C11orf65: variants seen among roughly 807,000 people sequenced by gnomAD.
The protein encoded by C11orf65 is protein MFI.
C11orf65 carries 38 observed loss-of-function variants against 35.3 expected under a neutral mutation model. The ratio of observed to expected loss-of-function variants is 1.08; its 90% CI spans 0.83 to 1.41. C11orf65 has a LOEUF of 1.41. C11orf65 is among the 40% of genes most tolerant of loss of function. C11orf65 has a pLI of 0.00. For missense variants in C11orf65, 370 were observed against 367.1 expected (o/e 1.01, Z -0.06); for synonymous variants, 105 against 114.4 (o/e 0.92, Z 0.53).
intron 7 of C11orf65, among the ~76,000 whole-genome samples, chr11:108,391,258 CA>C (rs2092153156): frequency 6.6e-6 from 1 of 152,202 alleles, no homozygotes; most frequent in Admixed American, 6.5e-5. Context: ...AAATATTGAA[CA>C]TTTTAAGCAG....
intron 6 of C11orf65, among the ~76,000 whole-genome samples, chr11:108,313,507 T>A (rs565981212): frequency 1.3e-5 from 2 of 152,344 alleles, no homozygotes; most frequent in East Asian, 3.9e-4. Context: ...TCATTCTTCC[T>A]TTTCCTTAAT....
chr11:108,319,850 A>C, intron 6 of C11orf65: 1 of 778,618 alleles, frequency 1.3e-6, no homozygotes, highest in South Asian at 1.6e-5. Context: ...TTTAGAATGG[A>C]GAAATGTTAA....
chr11:108,332,329 G>A (rs1162267695), intron 3 of C11orf65, among the ~76,000 whole-genome samples: 1 of 152,114 alleles, frequency 6.6e-6, no homozygotes, highest in African/African-American at 2.4e-5. Flanking sequence ...CTACTCGGGA[G>A]GCTGAGGCAG....
Position 108,428,732 on chromosome 11 carries a change from A to G in C11orf65, c.174+3014T>C, listed in dbSNP as rs186733488. On this transcript the variant is annotated intron_variant, in intron 3 of 8. Coordinates refer to ENST00000393084, the MANE Select transcript of C11orf65 (RefSeq NM_152587.5). ...ATGTAGATGACAGGTTGATGGGTGCAGCAAATCACCATGGTACATGTATAC... is the reference window on the plus strand; with the variant it reads ...ATGTAGATGACAGGTTGATGGGTGCGGCAAATCACCATGGTACATGTATAC... 2.6e-5 allele frequency among the ~76,000 whole-genome samples: 4 copies of G among 152,218 alleles called. No individual in the cohort carries two copies. In the South Asian group the frequency reaches 6.2e-4, roughly 24 times the overall value.
intron 2 of C11orf65, among the ~76,000 whole-genome samples, chr11:108,339,761 T>TA (rs1334702556): frequency 1.3e-5 from 2 of 152,132 alleles, no homozygotes; most frequent in Non-Finnish European, 2.9e-5. Context: ...CAGAGCTAGA[T>TA]ATTGATAGAG....
intron 6 of C11orf65, among the ~76,000 whole-genome samples, chr11:108,324,081 T>G (rs1318222174): frequency 6.6e-6 from 1 of 152,074 alleles, no homozygotes; most frequent in Non-Finnish European, 1.5e-5. Flanking sequence ...AAGAATAGGG[T>G]ATAACACTTA....
intron 2 of C11orf65, among the ~76,000 whole-genome samples, chr11:108,377,160 G>T (rs1452146420): frequency 2.0e-5 from 3 of 150,994 alleles, no homozygotes; most frequent in Non-Finnish European, 3.0e-5. Context: ...TACCAAAGCC[G>T]AGCAGAGACA....
At chr11:108,349,016 T>C (rs1475288300) in intron 2 of C11orf65, among the ~76,000 whole-genome samples, 1 of 152,140 alleles carries the variant, frequency 6.6e-6, no homozygotes, top group African/African-American at 2.4e-5. Flanking sequence ...TAGATTTCAG[T>C]TGAAGTCACT....
intron 2 of C11orf65, among the ~76,000 whole-genome samples, chr11:108,446,418 A>T (rs1343547484): frequency 6.6e-6 from 1 of 151,718 alleles, no homozygotes; most frequent in Non-Finnish European, 1.5e-5. Context: ...AGCCCATCAG[A>T]CTAACAGCGG....
At chr11:108,461,937 G>A (rs182611194) in intron 1 of C11orf65, among the ~76,000 whole-genome samples, 2 of 148,416 alleles carry the variant, frequency 1.3e-5, no homozygotes, top group Non-Finnish European at 2.9e-5. Context: ...TATTTTATAT[G>A]CTCTATTATA....
chr11:108,443,615 C>A (rs967296279), intron 2 of C11orf65, among the ~76,000 whole-genome samples: 1 of 152,104 alleles, frequency 6.6e-6, no homozygotes, highest in Non-Finnish European at 1.5e-5. Context: ...TTATAACAAA[C>A]TGTCTCTCAG....
At chr11:108,422,925 A>G (rs2092841234) in intron 3 of C11orf65, among the ~76,000 whole-genome samples, 1 of 152,008 alleles carries the variant, frequency 6.6e-6, no homozygotes, top group African/African-American at 2.4e-5. Context: ...CCATACACAG[A>G]GGTCAGTCCC....
chr11:108,346,569 T>C (rs538945854), intron 2 of C11orf65: 2 of 152,488 alleles, frequency 1.3e-5, no homozygotes, highest in South Asian at 4.1e-4. Context: ...AGGCAGGGCA[T>C]GTATGTTTTG....
At chr11:108,415,022 G>A (rs2138796880) in intron 3 of C11orf65, among the ~76,000 whole-genome samples, 1 of 152,184 alleles carries the variant, frequency 6.6e-6, no homozygotes, top group South Asian at 2.1e-4. Context: ...GACTAGAGGG[G>A]AACTTCCTCT....
chr11:108,442,908 A>T (rs143328880), intron 2 of C11orf65, among the ~76,000 whole-genome samples: 1,645 of 152,288 alleles, frequency 0.011, 28 homozygotes, highest in African/African-American at 0.037. Flanking sequence ...AAACAACATC[A>T]ACTAACGAGA....
chr11:108,467,568 AGCCCCGCCTTCTAG>A (rs1360261651), upstream of C11orf65: 2 of 152,124 alleles, frequency 1.3e-5, no homozygotes, highest in African/African-American at 2.4e-5. Context: ...TTGCCCTCCT[AGCCCCGCCTTCTAG>A]GCCCCGCCTT....
intron 7 of C11orf65, among the ~76,000 whole-genome samples, chr11:108,386,897 C>T (rs973170722): frequency 8.6e-5 from 13 of 151,858 alleles, no homozygotes; most frequent in East Asian, 3.9e-4. Flanking sequence ...CTGGCTAACA[C>T]GGTGAAACCC....
intron 3 of C11orf65, chr11:108,331,714 C>T (rs1024215670): frequency 5.3e-6 from 7 of 1,317,530 alleles, no homozygotes; most frequent in Admixed American, 2.6e-5. Flanking sequence ...TTTTCTCTCT[C>T]TAATTCCTCA....
Position 108,406,795 on chromosome 11 carries a change from C to G in C11orf65, c.397G>C (p.Glu133Gln). ...EDHSGWYHRI[E>Q]NNGWRPVSDT... ...GAAACTGGCCTCCAGCCATTGTTTT[C>G]TATACGATGATACCAGCCACTATGA... The change falls in exon 5 of 9, where the codon GAA becomes CAA. Residue 133 changes from glutamate to glutamine, a missense_variant. Glu to Gln is a conservative substitution (Grantham distance 29). Transcript: ENST00000393084. 1 of 1,610,666 alleles carries G rather than the reference C, an allele frequency of 6.2e-7. No homozygotes were observed. The highest frequency in any genetic ancestry group is 8.5e-7 in the Non-Finnish European group (1 of 1,178,100).
Sources: gnomAD v4.1 joint callset for allele counts (sites outside exome capture counted in the v4.1 genomes callset) on GRCh38, gnomAD v4.1.1 for gene constraint, MANE v1.5 for transcripts, NCBI Gene and HGNC (gene_info 2026-07-23, HGNC 2026-07-21) for gene names.